HOMER3: variants seen among roughly 807,000 people sequenced by gnomAD.
HOMER3 encodes the protein homer protein homolog 3.
Under a neutral mutation model 45.5 loss-of-function variants are expected in HOMER3, and 34 were observed. The observed-to-expected ratio is 0.75, with a 90% confidence interval of 0.57 to 1.00. The LOEUF (loss-of-function observed/expected upper bound fraction) is 1.00. Ranked by LOEUF, HOMER3 falls within the 50% of genes least tolerant of loss-of-function variation. The pLI is 0.00. For missense variants in HOMER3, 480 were observed against 497.5 expected (o/e 0.96, Z 0.33); for synonymous variants, 223 against 208.8 (o/e 1.07, Z -0.58).
chr19:18,931,596 T>C lies in HOMER3; in HGVS notation c.720A>G (p.Ser240=). ...CCTTCTCACCGGTGGGGGTCACCTC[T>C]GAAGCTGCCTGAGCCTCCAGCTCAG... ...RVAELEAQAA[S]EVTPTGEKEG... is the part of the protein sequence containing the mutation. Residue 240 remains serine (S), a synonymous_variant, in exon 8 of 10, where the codon TCA becomes TCG. Transcript: ENST00000392351. The C allele has an allele frequency of 6.2e-7, 1 of 1,612,254 alleles. No individual in the cohort carries two copies. The highest frequency in any genetic ancestry group is 8.5e-7 in the Non-Finnish European group (1 of 1,179,638).
intron 6 of HOMER3, 33 bp downstream of exon 6, chr19:18,932,891 G>GACCCCCCCCCCCCCCCCCCC: frequency 3.6e-6 from 1 of 275,906 alleles, no homozygotes; most frequent in Admixed American, 6.9e-5. Context: ...CCCTACCCCC[G>GACCCCCCCCCCCCCCCCCCC]CCCCTGCCAC....
chr19:18,929,853 G>A (rs977971496), intron 9 of HOMER3, among the ~76,000 whole-genome samples: 3 of 151,996 alleles, frequency 2.0e-5, no homozygotes, highest in African/African-American at 4.8e-5. Context: ...CGCTCTTGTC[G>A]CCCAGGCTGG....
At chr19:18,931,763 C>T in intron 7 of HOMER3, 138 bp from the exon 8 acceptor site, 2 of 1,472,588 alleles carry the variant, frequency 1.4e-6, no homozygotes, top group Non-Finnish European at 1.8e-6. Context: ...CACCACCCCC[C>T]TCTGCACAGC....
rs1340331741 is a variant in HOMER3, at chr19:18,931,572, C to T, written c.744G>A (p.Lys248=). Residue 248 remains lysine (K), a synonymous_variant, in exon 8 of 10, where the codon AAG becomes AAA. Transcript: ENST00000392351. ...GCGACTGGCCCTGGCCCAGCCCCTC[C>T]TTCTCACCGGTGGGGGTCACCTCTG... ...AASEVTPTGE[K]EGLGQGQSLE... The T allele has an allele frequency of 6.2e-7, 1 of 1,613,374 alleles. No homozygotes were observed. The highest frequency in any genetic ancestry group is 1.1e-5 in the South Asian group (1 of 91,052).
intron 1 of HOMER3, chr19:18,940,665 A>ACT (rs565519660): frequency 3.3e-5 from 5 of 151,858 alleles, no homozygotes; most frequent in Admixed American, 6.6e-5. Flanking sequence ...TCCTCCTCTA[A>ACT]CTGGGTCCGG....
chr19:18,936,329 T>C (rs142147905), intron 4 of HOMER3, among the ~76,000 whole-genome samples: 6 of 125,106 alleles, frequency 4.8e-5, no homozygotes, highest in African/African-American at 2.2e-4. Flanking sequence ...AATAAATAAA[T>C]AAATAAATAA....
At chr19:18,938,587 G>T in intron 3 of HOMER3, 103 bp from the exon 4 acceptor site, 1 of 1,512,464 alleles carries the variant, frequency 6.6e-7, no homozygotes, top group Non-Finnish European at 9.1e-7. Flanking sequence ...TCTTTACTCT[G>T]AACCCTTTCA....
chr19:18,930,015 G>A (rs750068198), intron 9 of HOMER3, among the ~76,000 whole-genome samples: 4 of 151,744 alleles, frequency 2.6e-5, no homozygotes, highest in African/African-American at 7.2e-5. Flanking sequence ...TTTGGGAGGC[G>A]GAGGCAGGTG....
At position 18,932,910 on chromosome 19, in the gene HOMER3, G is replaced by C. The variant is rs200763744; in HGVS notation, c.533+14C>G. 5.7e-4 allele frequency: 256 copies of C among 449,040 alleles called. 5 individuals are homozygous for C. The highest frequency in any genetic ancestry group is 5.6e-4 in the Non-Finnish European group (169 of 302,106). 27.8% of individuals were successfully genotyped at this position (449,040 alleles called of 1,614,324 possible). On this transcript the variant is annotated intron_variant, in intron 6 of 9. Transcript: ENST00000392351. ...ACCCCCGCCCCTGCCACGCCCCCAAGTCCCGCCCCTCACCCCTCAGACAAC... is the reference window on the plus strand; with the variant it reads ...ACCCCCGCCCCTGCCACGCCCCCAACTCCCGCCCCTCACCCCTCAGACAAC...
chr19:18,934,257 G>A, intron 5 of HOMER3, 46 bp downstream of exon 5: 3 of 1,169,148 alleles, frequency 2.6e-6, no homozygotes, highest in South Asian at 1.8e-5. Flanking sequence ...GCGCCTGGCT[G>A]ACTCACAGGT....
intron 5 of HOMER3, 29 bp from the exon 6 acceptor site, chr19:18,933,074 A>C: frequency 6.8e-7 from 1 of 1,463,880 alleles, no homozygotes; most frequent in Admixed American, 2.9e-5. Context: ...ATAGGTCACG[A>C]CCCCACATCA....
chr19:18,932,740 C>CA (rs893723324), intron 6 of HOMER3, among the ~76,000 whole-genome samples, 184 bp downstream of exon 6: 51 of 150,758 alleles, frequency 3.4e-4, no homozygotes, highest in African/African-American at 8.8e-4. Flanking sequence ...GGGGCGTGGC[C>CA]AACGCAGGGT....
intron 9 of HOMER3, 25 bp from the exon 10 acceptor site, chr19:18,929,659 T>C (rs1469167103): frequency 6.3e-6 from 9 of 1,435,760 alleles, no homozygotes; most frequent in Non-Finnish European, 8.4e-6. Context: ...TGGGCAGGGT[T>C]GGGGGCCCCA....
At chr19:18,934,542 G>A (rs1275059834) in intron 4 of HOMER3, 132 bp from the exon 5 acceptor site, 2 of 490,682 alleles carry the variant, frequency 4.1e-6, no homozygotes, top group Non-Finnish European at 7.1e-6. Context: ...AAGAAGGAGA[G>A]AAACTTTGAA....
rs1233327096 is a variant in HOMER3, at chr19:18,929,295, GGGCCCACCCCAGCCCAGCCC to G, written c.*128_*147del. On this transcript the variant is annotated 3_prime_UTR_variant, in exon 10 of 10. Coordinates refer to ENST00000392351, the MANE Select transcript of HOMER3 (RefSeq NM_004838.4). ...AGCTGCCAACAACCAGAGCCGACTG[GGGCCCACCCCAGCCCAGCCC>G]GGCCCGGCCCACCCAGGGCTAAGTT... The G allele has an allele frequency of 2.3e-6, 2 of 869,654 alleles. No homozygotes were observed. The highest frequency in any genetic ancestry group is 1.9e-6 in the Non-Finnish European group (1 of 514,336). 53.9% of individuals were successfully genotyped at this position (869,654 alleles called of 1,614,324 possible).
At chr19:18,931,949 G>T (rs1310252676) in intron 7 of HOMER3, 27 bp downstream of exon 7, 5 of 1,499,896 alleles carry the variant, frequency 3.3e-6, no homozygotes, top group Non-Finnish European at 2.7e-6. Context: ...CCAGGTGGGG[G>T]TCTCTCGGAG....
rs914160895 is a variant in HOMER3 at position 18,939,052 on chromosome 19, A to G, written c.-67-3T>C. The G allele has an allele frequency of 6.8e-7, 1 of 1,460,964 alleles. No individual in the cohort carries two copies. The highest frequency in any genetic ancestry group is 9.1e-7 in the Non-Finnish European group (1 of 1,094,122). 90.5% of individuals were successfully genotyped at this position (1,460,964 alleles called of 1,614,324 possible). On this transcript the variant is annotated splice_polypyrimidine_tract_variant and splice_region_variant and intron_variant, in intron 1 of 9. Transcript: ENST00000392351. ...TGGCAGGAGCACTGGTTTGGCCCCT[A>G]GGGAGAGAGGAGGGACTATGAGTGT...
chr19:18,929,311 A>G lies in HOMER3; in HGVS notation c.*132T>C, dbSNP rs767096188. On this transcript the variant is annotated 3_prime_UTR_variant, in exon 10 of 10. Coordinates refer to ENST00000392351, the MANE Select transcript of HOMER3 (RefSeq NM_004838.4). ...AGCCGACTGGGGCCCACCCCAGCCCAGCCCGGCCCGGCCCACCCAGGGCTA... is the reference window on the plus strand; with the variant it reads ...AGCCGACTGGGGCCCACCCCAGCCCGGCCCGGCCCGGCCCACCCAGGGCTA... 3.2e-4 allele frequency: 328 copies of G among 1,009,682 alleles called. 1 individual carries two copies. The highest frequency in any genetic ancestry group is 2.0e-3 in the South Asian group (155 of 78,642). The allele number at this position is 1,009,682 out of a possible 1,614,324, so 62.5% of individuals were successfully genotyped here. A position where few individuals can be genotyped will look rare whatever the true frequency, so the allele number is the denominator to read the frequency against.
chr19:18,929,443 T>C lies in HOMER3; in HGVS notation c.1086A>G (p.Ter362TrpextTer7). 1 of 1,589,264 alleles carries C rather than the reference T, an allele frequency of 6.3e-7. No homozygotes were observed. ...TCGTTCATAGAAAACCAGCCCCGGC[T>C]CAGGGCGCAGCCTCAGCCAGGCGGG... is the stretch of plus-strand genomic sequence containing the variant. ...GLARLAEAAP* is the reference protein window; with the variant it reads ...GLARLAEAAPW The change falls in exon 10 of 10, where the codon TGA (stop) becomes TGG (tryptophan). Residue 362 changes from the stop codon to tryptophan, a stop_lost. Coordinates refer to ENST00000392351, the MANE Select transcript of HOMER3 (RefSeq NM_004838.4).
Sources: allele counts gnomAD v4.1 joint callset (sites outside exome capture counted in the v4.1 genomes callset), GRCh38; gene constraint gnomAD v4.1.1; transcripts MANE v1.5; gene names NCBI Gene and HGNC (gene_info 2026-07-23, HGNC 2026-07-21).